The following SCFD1 variants were observed in gnomAD, a reference collection of about 807,000 sequenced individuals.
SCFD1 encodes the protein sec1 family domain containing 1.
Under a neutral mutation model 103.2 loss-of-function variants are expected in SCFD1, and 37 were observed. That is an observed-to-expected ratio of 0.36 (90% CI 0.28 to 0.47). The LOEUF (loss-of-function observed/expected upper bound fraction) is 0.47. Ranked by LOEUF, SCFD1 falls within the 20% of genes least tolerant of loss-of-function variation. The pLI is 1.00. For synonymous variants in SCFD1, 264 were observed against 245.0 expected (o/e 1.08, Z -0.73); for missense variants, 639 against 761.2 (o/e 0.84, Z 1.89).
At chr14:30,722,002 C>T in intron 22 of SCFD1, 85 bp downstream of exon 22, 2 of 942,294 alleles carry the variant, frequency 2.1e-6, no homozygotes, top group South Asian at 2.9e-5. Flanking sequence ...CCAAACATGG[C>T]TTTATGATGA....
chr14:30,705,559 C>G (rs1157703278), intron 17 of SCFD1, among the ~76,000 whole-genome samples: 1 of 152,102 alleles, frequency 6.6e-6, no homozygotes, highest in Non-Finnish European at 1.5e-5. Context: ...TCACTTGAGC[C>G]TGGGAGGTCA....
intron 10 of SCFD1, among the ~76,000 whole-genome samples, chr14:30,665,619 C>A (rs1887879369): frequency 6.6e-6 from 1 of 152,154 alleles, no homozygotes; most frequent in South Asian, 2.1e-4. Context: ...AGAGTCAAGA[C>A]CCATCAGTGT....
chr14:30,624,028 C>T (rs1265094304), intron 1 of SCFD1, among the ~76,000 whole-genome samples: 1 of 152,102 alleles, frequency 6.6e-6, no homozygotes, highest in African/African-American at 2.4e-5. Context: ...GTATTATCTC[C>T]ATTTTACAGG....
chr14:30,692,846 T>A (rs1890413501), intron 14 of SCFD1, among the ~76,000 whole-genome samples: 1 of 152,142 alleles, frequency 6.6e-6, no homozygotes, highest in Non-Finnish European at 1.5e-5. Context: ...TCATTGTCAT[T>A]CCCCAAAGTT....
chr14:30,625,348 T>C (rs1029055944), intron 1 of SCFD1, among the ~76,000 whole-genome samples: 1 of 152,214 alleles, frequency 6.6e-6, no homozygotes. Flanking sequence ...TTTGCATTAT[T>C]ACTGGTTGAG....
At chr14:30,631,765 GC>G (rs1054743033) in intron 3 of SCFD1, among the ~76,000 whole-genome samples, 1 of 152,052 alleles carries the variant, frequency 6.6e-6, no homozygotes, top group Non-Finnish European at 1.5e-5. Context: ...TGGAGAAGGG[GC>G]CAGGCACAGT....
intron 20 of SCFD1, among the ~76,000 whole-genome samples, chr14:30,718,464 T>A (rs1434106076): frequency 6.6e-6 from 1 of 152,244 alleles, no homozygotes; most frequent in Non-Finnish European, 1.5e-5. Flanking sequence ...AGTAACTTTC[T>A]GTTTTGAAAG....
At chr14:30,665,055 G>C (rs1218486088) in intron 10 of SCFD1, among the ~76,000 whole-genome samples, 2 of 151,968 alleles carry the variant, frequency 1.3e-5, no homozygotes, top group Admixed American at 1.3e-4. Flanking sequence ...ACACCACAAA[G>C]ATACTCAAGA....
intron 1 of SCFD1, among the ~76,000 whole-genome samples, chr14:30,627,745 G>GAAAAAAAAAAAAAAAAAAAAAAA (rs11312585): frequency 1.3e-5 from 1 of 79,474 alleles, no homozygotes; most frequent in Non-Finnish European, 2.6e-5. Flanking sequence ...CTCTGTCTCA[G>GAAAAAAAAAAAAAAAAAAAAAAA]AAAAAAAAAA....
chr14:30,637,888 T>C (rs1246474898), intron 4 of SCFD1, among the ~76,000 whole-genome samples: 6 of 152,296 alleles, frequency 3.9e-5, no homozygotes, highest in Middle Eastern at 3.4e-3. Flanking sequence ...TACTGTATTG[T>C]AATTAATGAG....
intron 15 of SCFD1, among the ~76,000 whole-genome samples, chr14:30,695,311 A>G (rs1352161946): frequency 6.6e-6 from 1 of 152,206 alleles, no homozygotes; most frequent in African/African-American, 2.4e-5. Context: ...TCTATGGCCA[A>G]TCACTTTAAA....
chr14:30,701,081 T>C (rs947890374), intron 16 of SCFD1, among the ~76,000 whole-genome samples: 1 of 152,224 alleles, frequency 6.6e-6, no homozygotes, highest in African/African-American at 2.4e-5. Context: ...AGATGACATT[T>C]AGAATGTGGC....
Position 30,638,220 on chromosome 14 carries a change from A to C in SCFD1, c.408A>C (p.Ala136=). The change falls in exon 5 of 25, where the codon GCA becomes GCC. Residue 136 remains alanine (A), a synonymous_variant. Transcript: ENST00000458591. ...KLEDIANAAL[A]ASAVTQVAKV... is the part of the protein sequence containing the mutation. The stretch of plus-strand genomic sequence containing the variant: ...AAGATATTGCAAATGCAGCGTTAGC[A>C]GCTAGTGCAGTAACACAAGTAGCCA... The C allele has an allele frequency of 1.2e-6, 2 of 1,613,068 alleles. No individual in the cohort carries two copies. The highest frequency in any genetic ancestry group is 1.7e-6 in the Non-Finnish European group (2 of 1,179,482).
At chr14:30,659,032 AT>A (rs1402849170) in intron 10 of SCFD1, among the ~76,000 whole-genome samples, 1 of 152,152 alleles carries the variant, frequency 6.6e-6, no homozygotes, top group African/African-American at 2.4e-5. Flanking sequence ...GATATCCCTG[AT>A]TTCATTCACT....
intron 5 of SCFD1, 60 bp from the exon 6 acceptor site, chr14:30,639,717 T>C (rs1377085470): frequency 6.8e-7 from 1 of 1,461,888 alleles, no homozygotes; most frequent in African/African-American, 1.4e-5. Context: ...GCAAACTAAA[T>C]TTACTTTCAA....
At chr14:30,647,644 A>G (rs1885973281) in intron 7 of SCFD1, among the ~76,000 whole-genome samples, 1 of 152,086 alleles carries the variant, frequency 6.6e-6, no homozygotes, top group Non-Finnish European at 1.5e-5. Flanking sequence ...TACAACTTTT[A>G]GTGTTAAACA....
chr14:30,729,254 T>G (rs1893270579), intron 23 of SCFD1, among the ~76,000 whole-genome samples: 1 of 152,108 alleles, frequency 6.6e-6, no homozygotes, highest in Non-Finnish European at 1.5e-5. Flanking sequence ...TTCGGCGAAG[T>G]CCAGTGTATC....
chr14:30,627,179 ACT>A (rs138813125), intron 1 of SCFD1, among the ~76,000 whole-genome samples: 130 of 152,270 alleles, frequency 8.5e-4, no homozygotes, highest in African/African-American at 3.0e-3. Context: ...TTTCTGTAAC[ACT>A]GTTACAGATG....
chr14:30,638,124 G>A lies in SCFD1; in HGVS notation c.313-1G>A. 6.3e-7 allele frequency: 1 copy of A among 1,599,310 alleles called. No homozygotes were observed. Among genetic ancestry groups the A allele is most frequent in the Non-Finnish European group, 8.5e-7 (1 of 1,173,966 alleles). On this transcript the variant is annotated splice_acceptor_variant, in intron 4 of 24. Transcript: ENST00000458591. LOFTEE classifies it high-confidence loss of function. Reference sequence around the variant, plus strand: ...GAATAAAGTTTTCATTGTATTGATAGGATCTTCGAAATCAACTATATGAAT... The same window carrying A: ...GAATAAAGTTTTCATTGTATTGATAAGATCTTCGAAATCAACTATATGAAT...
Sources: allele counts gnomAD v4.1 joint callset (sites outside exome capture counted in the v4.1 genomes callset), GRCh38; gene constraint gnomAD v4.1.1; transcripts MANE v1.5; gene names NCBI Gene and HGNC (gene_info 2026-07-23, HGNC 2026-07-21).